ADAMTS2: variants seen among roughly 807,000 people sequenced by gnomAD.
ADAMTS2 encodes the protein A disintegrin and metalloproteinase with thrombospondin motifs 2.
ADAMTS2 carries 50 observed loss-of-function variants against 123.0 expected under a neutral mutation model. That is an observed-to-expected ratio of 0.41 (90% confidence interval 0.32 to 0.51). The LOEUF (loss-of-function observed/expected upper bound fraction) is 0.51. Ranked by LOEUF, ADAMTS2 falls within the 20% of genes least tolerant of loss-of-function variation. The pLI is 0.35. For synonymous variants in ADAMTS2, 678 were observed against 695.4 expected (o/e 0.98, Z 0.39); for missense variants, 1,494 against 1,705.2 (o/e 0.88, Z 2.18).
At chr5:179,221,801 C>T (rs1479104343) in intron 3 of ADAMTS2, among the ~76,000 whole-genome samples, 1 of 152,152 alleles carries the variant, frequency 6.6e-6, no homozygotes, top group East Asian at 1.9e-4. Context: ...AGCCCTCTCT[C>T]CCAGTGAGTG....
At chr5:179,193,420 G>A (rs1199986913) in intron 4 of ADAMTS2, among the ~76,000 whole-genome samples, 1 of 152,204 alleles carries the variant, frequency 6.6e-6, no homozygotes, top group Non-Finnish European at 1.5e-5. Context: ...GAGATTGAGA[G>A]GCTCACATAA....
At chr5:179,278,489 C>T (rs1052640552) in intron 2 of ADAMTS2, among the ~76,000 whole-genome samples, 3 of 152,106 alleles carry the variant, frequency 2.0e-5, no homozygotes, top group Admixed American at 2.0e-4. Context: ...GTTTCCTCTC[C>T]CCACTCAATA....
chr5:179,314,146 TG>T lies in ADAMTS2; in HGVS notation c.534+29620del, dbSNP rs1179524502. On this transcript the variant is annotated intron_variant, in intron 2 of 21. Coordinates refer to ENST00000251582, the MANE Select transcript of ADAMTS2 (RefSeq NM_014244.5). The surrounding 1 kb of genome is among the most constrained non-coding windows in gnomAD (Gnocchi z 4.5). ...CTGCATCCACACGGAGGCTTCGGAT[TG>T]GGCGCAGCCTGGGAGCACACAGACC... Among the ~76,000 whole-genome samples, 1 of 152,260 alleles carries T rather than the reference TG, an allele frequency of 6.6e-6. No homozygotes were observed. Among genetic ancestry groups the T allele is most frequent in the African/African-American group, 2.4e-5 (1 of 41,472 alleles).
At chr5:179,179,711 G>A (rs984955127) in intron 5 of ADAMTS2, among the ~76,000 whole-genome samples, 6 of 152,162 alleles carry the variant, frequency 3.9e-5, no homozygotes, top group African/African-American at 1.2e-4. Context: ...GGGTGCCTTC[G>A]GTCACTGTGG....
intron 2 of ADAMTS2, among the ~76,000 whole-genome samples, chr5:179,287,934 C>T (rs1034627520): frequency 3.9e-5 from 6 of 152,254 alleles, no homozygotes; most frequent in African/African-American, 1.4e-4. Context: ...CCCCACTCCA[C>T]TGTGCAACAA....
At chr5:179,265,728 G>T (rs997265556) in intron 3 of ADAMTS2, among the ~76,000 whole-genome samples, 2 of 152,206 alleles carry the variant, frequency 1.3e-5, no homozygotes, top group African/African-American at 2.4e-5. Context: ...CCACATCACC[G>T]CGCTGGCATC....
At chr5:179,195,880 C>G (rs1329217300) in intron 4 of ADAMTS2, among the ~76,000 whole-genome samples, 3 of 152,242 alleles carry the variant, frequency 2.0e-5, no homozygotes, top group Non-Finnish European at 4.4e-5. Flanking sequence ...GCTTGCCTCC[C>G]CCCACTTAAG....
At position 179,122,654 on chromosome 5, in the gene ADAMTS2, G is replaced by T. The variant is rs886060491; in HGVS notation, c.3078C>A (p.Gly1026=). ...CTGCAGGTGGCTTACGGGGACAGGG[G>T]CCAAGCCTGCAGGTCCTCGCTGTCT... ...RPETARTCRL[G]PCPRNISDPS... Residue 1026 remains glycine, a synonymous_variant, in exon 20 of 22, where the codon GGC becomes GGA. Transcript: ENST00000251582. 3.9e-6 allele frequency: 6 copies of T among 1,551,084 alleles called. No individual in the cohort carries two copies. Among genetic ancestry groups the T allele is most frequent in the Non-Finnish European group, 5.2e-6 (6 of 1,147,474 alleles).
rs1438126647 is a variant in ADAMTS2 at position 179,155,933 on chromosome 5, C to T, written c.1133-1014G>A. ...ACCCCGGGTGAGCTGGCGGTGTACG[C>T]GCCTAAAAATAGAAGCATCGTGATC... is the stretch of plus-strand genomic sequence containing the variant. On this transcript the variant is annotated intron_variant, in intron 6 of 21. Coordinates refer to ENST00000251582, the MANE Select transcript of ADAMTS2 (RefSeq NM_014244.5). The surrounding 1 kb of genome is among the most constrained non-coding windows in gnomAD (Gnocchi z 5.1). 1.3e-5 allele frequency among the ~76,000 whole-genome samples: 2 copies of T among 152,054 alleles called. No homozygotes were observed. Among genetic ancestry groups the T allele is most frequent in the African/African-American group, 4.8e-5 (2 of 41,392 alleles).
chr5:179,279,924 C>T (rs544895414), intron 2 of ADAMTS2, among the ~76,000 whole-genome samples: 55 of 152,356 alleles, frequency 3.6e-4, no homozygotes, highest in African/African-American at 1.2e-3. Flanking sequence ...TGTCCTCACC[C>T]GCATCTCCAC....
At chr5:179,171,421 C>T (rs1763812205) in intron 5 of ADAMTS2, among the ~76,000 whole-genome samples, 1 of 152,228 alleles carries the variant, frequency 6.6e-6, no homozygotes, top group African/African-American at 2.4e-5. Flanking sequence ...CTAGCAGTGC[C>T]ACCTCCTCTG....
chr5:179,283,420 T>TA (rs994693886), intron 2 of ADAMTS2, among the ~76,000 whole-genome samples: 2 of 152,126 alleles, frequency 1.3e-5, no homozygotes, highest in African/African-American at 4.8e-5. Context: ...GGTAAGTTTC[T>TA]AAAATCAGTA....
chr5:179,306,516 G>T (rs1449894658), intron 2 of ADAMTS2, among the ~76,000 whole-genome samples: 3 of 152,178 alleles, frequency 2.0e-5, no homozygotes, highest in Non-Finnish European at 4.4e-5. Flanking sequence ...CGCATCCTGA[G>T]AAACTGTTTT....
chr5:179,223,234 A>G (rs1765168211), intron 3 of ADAMTS2, among the ~76,000 whole-genome samples: 1 of 152,122 alleles, frequency 6.6e-6, no homozygotes, highest in South Asian at 2.1e-4. Context: ...GCACACACAC[A>G]CATGCACGCA....
chr5:179,226,698 C>T (rs1002573357), intron 3 of ADAMTS2, among the ~76,000 whole-genome samples: 1 of 152,200 alleles, frequency 6.6e-6, no homozygotes, highest in Non-Finnish European at 1.5e-5. Context: ...AGCCAACCAT[C>T]CTAGGGTTGT....
intron 8 of ADAMTS2, 37 bp from the exon 9 acceptor site, chr5:179,153,660 C>A: frequency 1.3e-6 from 2 of 1,580,986 alleles, no homozygotes; most frequent in Non-Finnish European, 8.5e-7. Flanking sequence ...CAGCCTTCAG[C>A]GCGGCTGACC....
At position 179,178,061 on chromosome 5, in the gene ADAMTS2, A is replaced by G. The variant is rs1763968243; in HGVS notation, c.975+3011T>C. Among the ~76,000 whole-genome samples, 2 of 152,214 alleles carry G rather than the reference A, an allele frequency of 1.3e-5. 1 individual carries two copies. Among genetic ancestry groups the G allele is most frequent in the South Asian group, 4.1e-4 (2 of 4,824 alleles). On this transcript the variant is annotated intron_variant, in intron 5 of 21. Coordinates refer to ENST00000251582, the MANE Select transcript of ADAMTS2 (RefSeq NM_014244.5). ...CTTTTCTCCCCTTTCTAGCCCCAGG[A>G]CCAGGAGTTTCCCATTTTTGGAAAC...
chr5:179,293,187 G>T (rs1756236712), intron 2 of ADAMTS2, among the ~76,000 whole-genome samples: 1 of 152,184 alleles, frequency 6.6e-6, no homozygotes, highest in Admixed American at 6.5e-5. Flanking sequence ...CGAAAATAAG[G>T]AACGTTATTG....
intron 10 of ADAMTS2, among the ~76,000 whole-genome samples, chr5:179,151,487 G>C (rs1013733567): frequency 6.6e-6 from 1 of 152,170 alleles, no homozygotes; most frequent in African/African-American, 2.4e-5. Flanking sequence ...CCCCACTGCA[G>C]GGCCAAGGTG....
Sources: allele counts gnomAD v4.1 joint callset (sites outside exome capture counted in the v4.1 genomes callset), GRCh38; gene constraint gnomAD v4.1.1; non-coding constraint Gnocchi (gnomAD v3.1); transcripts MANE v1.5; gene names NCBI Gene and HGNC (gene_info 2026-07-23, HGNC 2026-07-21).